The following FAF1 variants were observed in gnomAD, a reference collection of about 807,000 sequenced individuals.
FAF1 encodes Fas associated factor 1, also known as FAS-associated factor 1.
Under a neutral mutation model 92.5 loss-of-function variants are expected in FAF1, and 25 were observed. That is an observed-to-expected ratio of 0.27 (90% CI 0.20 to 0.38). The LOEUF (loss-of-function observed/expected upper bound fraction) is 0.38, where lower values mean the gene tolerates loss of function less well. FAF1 is among the 10% of genes least tolerant of loss of function. The probability of loss-of-function intolerance (pLI) is 1.00; values close to 1 mark genes in which losing one functional copy is unlikely to be tolerated. For missense variants in FAF1, 636 were observed against 793.3 expected, an observed-to-expected ratio of 0.80 and a Z score of 2.38; for synonymous variants, 234 against 273.2, an observed-to-expected ratio of 0.86 and a Z score of 1.42.
intron 8 of FAF1, among the ~76,000 whole-genome samples, chr1:50,604,576 C>T (rs944227017): frequency 2.0e-5 from 3 of 152,150 alleles, no homozygotes; most frequent in East Asian, 1.9e-4. Flanking sequence ...GGTACAATCA[C>T]GGCCGACTGC....
chr1:50,509,980 C>A (rs1647112300), intron 15 of FAF1, among the ~76,000 whole-genome samples: 1 of 151,846 alleles, frequency 6.6e-6, no homozygotes, highest in Admixed American at 6.6e-5. Context: ...CCAGCCTGGG[C>A]AACATGGTGA....
intron 1 of FAF1, among the ~76,000 whole-genome samples, chr1:50,902,665 G>A (rs1283381828): frequency 6.6e-6 from 1 of 152,062 alleles, no homozygotes; most frequent in Non-Finnish European, 1.5e-5. Flanking sequence ...GAGAATGCAA[G>A]TCTCGTCTAT....
chr1:50,638,146 A>T (rs1654147734), intron 8 of FAF1, among the ~76,000 whole-genome samples: 1 of 152,192 alleles, frequency 6.6e-6, no homozygotes, highest in Non-Finnish European at 1.5e-5. Context: ...ATTTTTGTAT[A>T]TTGATCTCAT....
Position 50,819,778 on chromosome 1 carries a change from C to T in FAF1, c.115-18101G>A, listed in dbSNP as rs866235743. On this transcript the variant is annotated intron_variant, in intron 2 of 18. Coordinates refer to ENST00000396153, the MANE Select transcript of FAF1 (RefSeq NM_007051.3). Reference sequence around the variant, plus strand: ...ATATATATATACGTATATATATATACATATATATACATATATATATATACA... The same window carrying T: ...ATATATATATACGTATATATATATATATATATATACATATATATATATACA... 6.7e-3 allele frequency among the ~76,000 whole-genome samples: 204 copies of T among 30,394 alleles called. 12 individuals carry two copies. The highest frequency in any genetic ancestry group is 0.019 in the African/African-American group (180 of 9,338). 19.9% of individuals were successfully genotyped at this position (30,394 alleles called of 152,430 possible).
chr1:50,803,485 T>C (rs1407859792), intron 2 of FAF1, among the ~76,000 whole-genome samples: 1 of 152,172 alleles, frequency 6.6e-6, no homozygotes, highest in Non-Finnish European at 1.5e-5. Flanking sequence ...GAGCTAAACA[T>C]TACATACTCA....
intron 2 of FAF1, among the ~76,000 whole-genome samples, chr1:50,828,059 A>G (rs1309783236): frequency 1.3e-5 from 2 of 152,158 alleles, no homozygotes; most frequent in African/African-American, 4.8e-5. Context: ...CCATCTTAGT[A>G]AAGAAAAAGT....
chr1:50,832,533 C>T (rs138364069), intron 2 of FAF1, among the ~76,000 whole-genome samples: 2,289 of 152,312 alleles, frequency 0.015, 25 homozygotes, highest in Middle Eastern at 0.044. Context: ...GAGAGTTTGA[C>T]AAACACTAAA....
intron 1 of FAF1, among the ~76,000 whole-genome samples, chr1:50,901,962 T>C (rs1192507250): frequency 2.0e-5 from 3 of 152,344 alleles, no homozygotes; most frequent in African/African-American, 4.8e-5. Context: ...CAAGCATCTT[T>C]GCACACTGTA....
At chr1:50,586,790 G>A (rs1651254141) in intron 9 of FAF1, among the ~76,000 whole-genome samples, 1 of 152,204 alleles carries the variant, frequency 6.6e-6, no homozygotes, top group Non-Finnish European at 1.5e-5. Context: ...CAGTGCTTGA[G>A]TTCCCGCTGT....
chr1:50,742,867 G>C (rs1176353438), intron 5 of FAF1, among the ~76,000 whole-genome samples: 1 of 152,196 alleles, frequency 6.6e-6, no homozygotes, highest in Non-Finnish European at 1.5e-5. Context: ...GTCAAACCCA[G>C]CCTGCTGCCT....
chr1:50,921,200 G>A (rs1244092217), intron 1 of FAF1, among the ~76,000 whole-genome samples: 7 of 152,226 alleles, frequency 4.6e-5, no homozygotes, highest in Admixed American at 2.0e-4. Context: ...CAGAGCCTGG[G>A]TGAGCCATCA....
intron 2 of FAF1, among the ~76,000 whole-genome samples, chr1:50,843,528 T>A (rs946357539): frequency 6.6e-6 from 1 of 152,074 alleles, no homozygotes; most frequent in Non-Finnish European, 1.5e-5. Flanking sequence ...CCTCTCTTCA[T>A]CCCCCGCTCC....
At chr1:50,559,194 T>C (rs934436169) in intron 13 of FAF1, among the ~76,000 whole-genome samples, 1 of 150,638 alleles carries the variant, frequency 6.6e-6, no homozygotes, top group Non-Finnish European at 1.5e-5. Flanking sequence ...GAGTTTGCAG[T>C]GAGCCAAGAT....
rs1342318914 is a variant in FAF1 at position 50,729,056 on chromosome 1, ATAT to A, written c.551+9804_551+9806del. On this transcript the variant is annotated intron_variant, in intron 6 of 18. Coordinates refer to ENST00000396153, the MANE Select transcript of FAF1 (RefSeq NM_007051.3). ...TATCTATATATATATATATATATAT[ATAT>A]TTTTTTTTTTTTTGAGGCAGAGTTT... Among the ~76,000 whole-genome samples the A allele has an allele frequency of 2.8e-3, 294 of 105,776 alleles. 3 individuals are homozygous for A. Among genetic ancestry groups the A allele is most frequent in the African/African-American group, 0.013 (288 of 22,332 alleles). The allele number at this position is 105,776 out of a possible 152,430, so 69.4% of individuals were successfully genotyped here.
At chr1:50,444,831 G>A (rs1187030953) in intron 18 of FAF1, among the ~76,000 whole-genome samples, 1 of 145,462 alleles carries the variant, frequency 6.9e-6, no homozygotes, top group Non-Finnish European at 1.5e-5. Context: ...ACAGAATAAG[G>A]TTTCATACTC....
intron 6 of FAF1, among the ~76,000 whole-genome samples, chr1:50,715,478 A>G (rs1658132104): frequency 6.6e-6 from 1 of 152,218 alleles, no homozygotes; most frequent in African/African-American, 2.4e-5. Flanking sequence ...TCTGGCATGT[A>G]ACAGAAGATA....
At chr1:50,533,612 T>C (rs867433269) in intron 15 of FAF1, among the ~76,000 whole-genome samples, 9 of 152,180 alleles carry the variant, frequency 5.9e-5, no homozygotes, top group African/African-American at 2.2e-4. Context: ...ATTAAAATTG[T>C]CTATATGTTT....
chr1:50,666,495 C>T (rs1186604909), intron 7 of FAF1, among the ~76,000 whole-genome samples: 2 of 152,142 alleles, frequency 1.3e-5, no homozygotes, highest in Non-Finnish European at 2.9e-5. Context: ...GGTTGTAAGC[C>T]ACTGTGCCCA....
chr1:50,475,420 T>A, intron 18 of FAF1, 44 bp downstream of exon 18: 1 of 1,473,450 alleles, frequency 6.8e-7, no homozygotes, highest in Non-Finnish European at 9.4e-7. Context: ...TGATGGCACA[T>A]CTCCCACCTG....
Sources: allele counts gnomAD v4.1 joint callset (sites outside exome capture counted in the v4.1 genomes callset), GRCh38; gene constraint gnomAD v4.1.1; transcripts MANE v1.5; gene names NCBI Gene and HGNC (gene_info 2026-07-23, HGNC 2026-07-21).